The following FAM135B variants were observed in gnomAD, a reference collection of about 807,000 sequenced individuals.
The protein encoded by FAM135B is family with sequence similarity 135 member B.
In FAM135B, 43 loss-of-function variants were observed where a neutral mutation model predicts 127.7. The observed-to-expected ratio is 0.34, with a 90% CI of 0.26 to 0.43. The LOEUF (loss-of-function observed/expected upper bound fraction) is 0.43. Ranked by LOEUF, FAM135B falls within the 20% of genes least tolerant of loss-of-function variation. The pLI, the probability that FAM135B is intolerant of heterozygous loss-of-function variation, is 1.00. For missense variants in FAM135B, 1,558 were observed against 1,725.6 expected (o/e 0.90, Z 1.72); for synonymous variants, 670 against 665.1 (o/e 1.01, Z -0.11).
chr8:138,443,245 T>A (rs759984355), intron 1 of FAM135B, among the ~76,000 whole-genome samples: 52 of 152,314 alleles, frequency 3.4e-4, no homozygotes, highest in Non-Finnish European at 6.8e-4. Context: ...ATCCCAGAAA[T>A]AATAGGTTAT....
intron 5 of FAM135B, among the ~76,000 whole-genome samples, chr8:138,254,933 C>T (rs1008859559): frequency 7.9e-5 from 12 of 152,036 alleles, no homozygotes; most frequent in African/African-American, 2.9e-4. Context: ...GACTCAGCTG[C>T]CCATGTTATG....
chr8:138,240,577 T>C (rs1342696353), intron 7 of FAM135B, among the ~76,000 whole-genome samples: 2 of 152,212 alleles, frequency 1.3e-5, no homozygotes, highest in Non-Finnish European at 2.9e-5. Flanking sequence ...GCACTGAGTA[T>C]GGCAGGCATG....
At chr8:138,360,143 C>T (rs888531994) in intron 2 of FAM135B, among the ~76,000 whole-genome samples, 17 of 152,078 alleles carry the variant, frequency 1.1e-4, no homozygotes, top group Non-Finnish European at 4.4e-5. Context: ...AAATCTTACT[C>T]GGAAAGAAAA....
intron 3 of FAM135B, among the ~76,000 whole-genome samples, chr8:138,267,225 C>T (rs1028980998): frequency 6.6e-6 from 1 of 152,122 alleles, no homozygotes; most frequent in African/African-American, 2.4e-5. Flanking sequence ...TCCCACCATG[C>T]AAGGATACAA....
chr8:138,146,103 G>T (rs367906729), intron 14 of FAM135B, 53 bp from the exon 15 acceptor site: 41 of 880,930 alleles, frequency 4.7e-5, no homozygotes, highest in Non-Finnish European at 5.3e-5. Flanking sequence ...CATATAAAAG[G>T]TTGACACACG....
At chr8:138,224,398 C>T (rs562177322) in intron 7 of FAM135B, among the ~76,000 whole-genome samples, 10 of 152,148 alleles carry the variant, frequency 6.6e-5, no homozygotes, top group Middle Eastern at 3.4e-3. Context: ...ACACAGACAA[C>T]GCAAGAGGGG....
chr8:138,401,353 C>A (rs1833143578), intron 1 of FAM135B, among the ~76,000 whole-genome samples: 1 of 152,206 alleles, frequency 6.6e-6, no homozygotes, highest in Non-Finnish European at 1.5e-5. Flanking sequence ...ACCATCACTG[C>A]AACCTTAAAA....
intron 1 of FAM135B, among the ~76,000 whole-genome samples, chr8:138,412,579 C>T (rs1336566395): frequency 2.6e-5 from 4 of 152,130 alleles, no homozygotes; most frequent in Admixed American, 6.6e-5. Flanking sequence ...GAATCTGGTC[C>T]GACTTTGCTT....
chr8:138,445,567 A>C (rs1286481484), intron 1 of FAM135B, among the ~76,000 whole-genome samples: 2 of 152,080 alleles, frequency 1.3e-5, no homozygotes, highest in African/African-American at 4.8e-5. Context: ...TGATTATCTC[A>C]ATAGATGCAG....
intron 1 of FAM135B, among the ~76,000 whole-genome samples, chr8:138,475,135 A>T (rs1053014294): frequency 6.6e-6 from 1 of 152,154 alleles, no homozygotes; most frequent in Non-Finnish European, 1.5e-5. Flanking sequence ...GATAACAGGG[A>T]GACAGAAATA....
chr8:138,327,423 A>C (rs1222057736), intron 2 of FAM135B, among the ~76,000 whole-genome samples: 3 of 152,214 alleles, frequency 2.0e-5, no homozygotes, highest in African/African-American at 7.2e-5. Flanking sequence ...ATGGTTATGA[A>C]ACTCCAAAGA....
chr8:138,197,075 A>ATGTGTGTG (rs6150843), intron 8 of FAM135B, among the ~76,000 whole-genome samples: 1 of 132,462 alleles, frequency 7.5e-6, no homozygotes, highest in Non-Finnish European at 1.6e-5. Flanking sequence ...ATGTATGCAT[A>ATGTGTGTG]TGTGTGTGTG....
chr8:138,452,965 C>G (rs2131592245), intron 1 of FAM135B, among the ~76,000 whole-genome samples: 1 of 152,264 alleles, frequency 6.6e-6, no homozygotes, highest in East Asian at 1.9e-4. Context: ...TGTGAGCTAC[C>G]CTCGGAAGTT....
intron 9 of FAM135B, among the ~76,000 whole-genome samples, chr8:138,186,481 C>T (rs1815592180): frequency 6.6e-6 from 1 of 152,162 alleles, no homozygotes; most frequent in East Asian, 1.9e-4. Context: ...GCTGGCGATG[C>T]TCTACCTCTA....
rs769546810 is a variant in FAM135B at position 138,168,041 on chromosome 8, G to A, written c.1112C>T (p.Thr371Met). 55 of 1,612,906 alleles carry A rather than the reference G, an allele frequency of 3.4e-5. No individual in the cohort carries two copies. Among genetic ancestry groups the A allele is most frequent in the South Asian group, 1.1e-4 (10 of 90,840 alleles). Reference protein sequence around the residue: ...VLTFQENLIQTHSQLSLDIRN... With the variant: ...VLTFQENLIQMHSQLSLDIRN... Reference sequence around the variant, plus strand: ...GATATCCAGGGACAGCTGGCTGTGCGTCTGTATCCTGGGGAGCACATGGCA... The same window carrying A: ...GATATCCAGGGACAGCTGGCTGTGCATCTGTATCCTGGGGAGCACATGGCA... Residue 371 changes from threonine to methionine, a missense_variant, in exon 12 of 20, where the codon ACG becomes ATG. Coordinates refer to ENST00000395297, the MANE Select transcript of FAM135B (RefSeq NM_015912.4).
In FAM135B at chr8:138,141,877, C is replaced by T. The variant is rs982758239; in HGVS notation, c.3639-528G>A. On this transcript the variant is annotated intron_variant, in intron 16 of 19. Coordinates refer to ENST00000395297, the MANE Select transcript of FAM135B (RefSeq NM_015912.4). The surrounding 1 kb of genome is among the most constrained non-coding windows in gnomAD (Gnocchi z 4.7). ...CCAGCCATACTGCTACTCACAGGCCCACGTGTTCAATGAATCATTATTCTC... is the reference window on the plus strand; with the variant it reads ...CCAGCCATACTGCTACTCACAGGCCTACGTGTTCAATGAATCATTATTCTC... Among the ~76,000 whole-genome samples, 1 of 152,120 alleles carries T rather than the reference C, an allele frequency of 6.6e-6. No individual in the cohort carries two copies. The highest frequency in any genetic ancestry group is 2.4e-5 in the African/African-American group (1 of 41,418).
intron 1 of FAM135B, among the ~76,000 whole-genome samples, chr8:138,443,990 G>A (rs1384404110): frequency 6.6e-6 from 1 of 152,120 alleles, no homozygotes; most frequent in African/African-American, 2.4e-5. Context: ...AAAAAGGGCA[G>A]GGGTTGCAAT....
intron 2 of FAM135B, among the ~76,000 whole-genome samples, chr8:138,315,863 G>T (rs1199276359): frequency 1.3e-5 from 2 of 152,098 alleles, no homozygotes; most frequent in African/African-American, 4.8e-5. Context: ...ACGGAGAAGG[G>T]AAAGAAAGAA....
rs372886524 is a variant in FAM135B, at chr8:138,411,283, G to A, written c.-19-43281C>T. Among the ~76,000 whole-genome samples the A allele has an allele frequency of 2.8e-3, 428 of 151,966 alleles. 2 individuals carry two copies. Among genetic ancestry groups the A allele is most frequent in the African/African-American group, 8.3e-3 (343 of 41,434 alleles). ...ACCAAAACAGCATGGTACTGGTACC[G>A]AAACAGAGATATAGATCAATGGAAC... On this transcript the variant is annotated intron_variant, in intron 1 of 19. Transcript: ENST00000395297.
Sources: gnomAD v4.1 joint callset for allele counts (sites outside exome capture counted in the v4.1 genomes callset) on GRCh38, gnomAD v4.1.1 for gene constraint, Gnocchi (gnomAD v3.1) non-coding constraint, MANE v1.5 for transcripts, NCBI Gene and HGNC (gene_info 2026-07-23, HGNC 2026-07-21) for gene names.